Variants in TENM1 observed in about 807,000 individuals in gnomAD.
The protein encoded by TENM1 is teneurin-1.
A neutral mutation model predicts 174.8 loss-of-function variants in TENM1; 35 were observed. The observed-to-expected ratio is 0.20, with a 90% CI of 0.15 to 0.27. The LOEUF is 0.27. Ranked by LOEUF, TENM1 falls within the 10% of genes least tolerant of loss-of-function variation. The pLI is 1.00. For missense variants in TENM1, 1,633 were observed against 2,130.1 expected (o/e 0.77, Z 4.59); for synonymous variants, 781 against 798.7 (o/e 0.98, Z 0.37).
At chrX:124,833,386 T>C (rs990324839) in intron 3 of TENM1, among the ~76,000 whole-genome samples, 4 of 112,243 alleles carry the variant, frequency 3.6e-5, no homozygotes, top group African/African-American at 1.3e-4. Context: ...GGAGCCATAG[T>C]GTTAACTGAA....
the TENM1 span, among the ~76,000 whole-genome samples, chrX:125,006,021 G>A: frequency 3.0e-3 from 338 of 111,360 alleles, 2 homozygotes; most frequent in African/African-American, 0.01. Flanking sequence ...CAGGAGAACC[G>A]CCCACTCCCC....
At chrX:125,023,959 G>C in the TENM1 span, among the ~76,000 whole-genome samples, 2 of 112,041 alleles carry the variant, frequency 1.8e-5, no homozygotes, top group African/African-American at 6.5e-5. Flanking sequence ...TGTATATGTG[G>C]CCAACAAACA....
intron 18 of TENM1, among the ~76,000 whole-genome samples, chrX:124,516,858 T>C (rs774148838): frequency 1.3e-4 from 14 of 111,836 alleles, no homozygotes; most frequent in Admixed American, 4.7e-4. Flanking sequence ...CAAATGTTCA[T>C]TGCAGCACTA....
chrX:124,644,565 G>T (rs1269095727), intron 10 of TENM1, among the ~76,000 whole-genome samples: 1 of 110,214 alleles, frequency 9.1e-6, no homozygotes, highest in Admixed American at 9.8e-5. Flanking sequence ...AATTTTGGGG[G>T]GATAAAGACT....
intron 23 of TENM1, among the ~76,000 whole-genome samples, chrX:124,448,605 C>T (rs2060992746): frequency 8.9e-6 from 1 of 111,754 alleles, no homozygotes; most frequent in African/African-American, 3.2e-5. Context: ...CCCTCACTTA[C>T]CTTTCTAGCT....
At chrX:124,667,247 T>C (rs949271863) in intron 6 of TENM1, among the ~76,000 whole-genome samples, 8 of 111,752 alleles carry the variant, frequency 7.2e-5, no homozygotes, top group African/African-American at 2.6e-4. Context: ...TTTTATTTGT[T>C]CATATCCTCT....
At chrX:124,790,979 A>G (rs2055166122) in intron 3 of TENM1, among the ~76,000 whole-genome samples, 1 of 111,863 alleles carries the variant, frequency 8.9e-6, no homozygotes, top group South Asian at 3.7e-4. Context: ...GTGCAAGGTG[A>G]CACGTTAAAG....
At position 124,457,070 on chromosome X, in the gene TENM1, G is replaced by A. The variant is rs143070830; in HGVS notation, c.3950-3579C>T. 1.4e-3 allele frequency among the ~76,000 whole-genome samples: 152 copies of A among 112,015 alleles called. 1 individual carries two copies. The highest frequency in any genetic ancestry group is 4.6e-3 in the African/African-American group (143 of 30,881). On this transcript the variant is annotated intron_variant, in intron 22 of 31. Coordinates refer to ENST00000422452, the Ensembl canonical transcript of TENM1. Reference sequence around the variant, plus strand: ...TCTGATATTACCACAAGGTTAGGCCGTGATGCAAGGCAGGTGGAGGTGGAA... The same window carrying A: ...TCTGATATTACCACAAGGTTAGGCCATGATGCAAGGCAGGTGGAGGTGGAA...
chrX:124,827,094 A>T (rs1320146708), intron 3 of TENM1, among the ~76,000 whole-genome samples: 1 of 111,948 alleles, frequency 8.9e-6, no homozygotes, highest in East Asian at 2.8e-4. Flanking sequence ...TCTGTTGCCC[A>T]GGCTGGAGTG....
intron 1 of TENM1, among the ~76,000 whole-genome samples, chrX:124,921,881 G>A (rs766319014): frequency 9.0e-6 from 1 of 111,624 alleles, no homozygotes; most frequent in Non-Finnish European, 1.9e-5. Context: ...AAAGAAGAAT[G>A]CAAAGTATTT....
At chrX:124,736,159 A>C (rs1300041524) in intron 4 of TENM1, among the ~76,000 whole-genome samples, 3 of 112,686 alleles carry the variant, frequency 2.7e-5, no homozygotes, top group Non-Finnish European at 5.6e-5. Flanking sequence ...CTTGAATTTC[A>C]AAGAAAATAG....
chrX:124,672,662 GT>G (rs1288841428), intron 5 of TENM1, among the ~76,000 whole-genome samples: 2 of 111,910 alleles, frequency 1.8e-5, no homozygotes, highest in African/African-American at 6.5e-5. Context: ...ATATTAGAAA[GT>G]TATGATCAAT....
At chrX:124,872,018 G>A (rs1298860724) in intron 3 of TENM1, among the ~76,000 whole-genome samples, 4 of 90,724 alleles carry the variant, frequency 4.4e-5, no homozygotes, top group East Asian at 3.4e-4. Context: ...GCGACAGAGC[G>A]AGACTCTGTC....
At chrX:124,523,752 A>C (rs936882723) in intron 16 of TENM1, 127 bp from the exon 20 acceptor site, 2 of 659,832 alleles carry the variant, frequency 3.0e-6, no homozygotes, top group East Asian at 7.1e-5. Flanking sequence ...TGTATTGTCT[A>C]TTTTATAAAT....
At chrX:124,878,023 G>A (rs776473588) in intron 3 of TENM1, among the ~76,000 whole-genome samples, 64 of 111,389 alleles carry the variant, frequency 5.7e-4, no homozygotes, top group Non-Finnish European at 7.0e-4. Flanking sequence ...TGAGTATGCT[G>A]AGGAGAAAGA....
intron 16 of TENM1, among the ~76,000 whole-genome samples, chrX:124,524,715 T>C (rs958370205): frequency 8.9e-6 from 1 of 112,013 alleles, no homozygotes; most frequent in Non-Finnish European, 1.9e-5. Flanking sequence ...TCTGTCTATC[T>C]CTAGATGTGG....
At chrX:124,792,930 T>C (rs1032341429) in intron 3 of TENM1, among the ~76,000 whole-genome samples, 1 of 112,174 alleles carries the variant, frequency 8.9e-6, no homozygotes, top group African/African-American at 3.2e-5. Context: ...TTTCTAAACA[T>C]GGGCCCTAAC....
chrX:125,160,568 A>AGAG, the TENM1 span, among the ~76,000 whole-genome samples: 40 of 104,846 alleles, frequency 3.8e-4, no homozygotes, highest in African/African-American at 1.3e-3. Context: ...AAAAAAAAAA[A>AGAG]ACAGAGAGAG....
intron 3 of TENM1, among the ~76,000 whole-genome samples, chrX:124,869,881 TAGAA>T (rs2057076984): frequency 9.0e-6 from 1 of 110,516 alleles, no homozygotes; most frequent in African/African-American, 3.3e-5. Flanking sequence ...ATACAAAAAA[TAGAA>T]AGAACAAATG....
Sources: allele counts gnomAD v4.1 joint callset (sites outside exome capture counted in the v4.1 genomes callset), GRCh38; gene constraint gnomAD v4.1.1; transcripts MANE v1.5; gene names NCBI Gene and HGNC (gene_info 2026-07-23, HGNC 2026-07-21).